The following CPB2 variants were observed in gnomAD, a reference collection of about 807,000 sequenced individuals.
CPB2 encodes carboxypeptidase B-like protein.
Under a neutral mutation model 57.0 loss-of-function variants are expected in CPB2, and 54 were observed. The ratio of observed to expected loss-of-function variants is 0.95; its 90% CI spans 0.76 to 1.19. The LOEUF (loss-of-function observed/expected upper bound fraction) is 1.19. Among genes scored for constraint, CPB2 ranks in the 50% most tolerant of loss-of-function variants. CPB2 has a pLI of 0.00. For missense variants in CPB2, 426 were observed against 512.0 expected (o/e 0.83, Z 1.62); for synonymous variants, 189 against 178.1 (o/e 1.06, Z -0.49).
At chr13:46,086,796 T>A (rs1395918006) in intron 2 of CPB2, among the ~76,000 whole-genome samples, 1 of 152,186 alleles carries the variant, frequency 6.6e-6, no homozygotes, top group Non-Finnish European at 1.5e-5. Flanking sequence ...AGCCACCCCC[T>A]TGGCTTCCCT....
chr13:46,071,310 G>C (rs1297700079), intron 6 of CPB2, among the ~76,000 whole-genome samples: 1 of 152,180 alleles, frequency 6.6e-6, no homozygotes, highest in Non-Finnish European at 1.5e-5. Context: ...CATAGTAGGG[G>C]TGAGAAATGA....
intron 5 of CPB2, among the ~76,000 whole-genome samples, chr13:46,074,265 T>C (rs1286077746): frequency 1.3e-5 from 2 of 152,262 alleles, no homozygotes; most frequent in African/African-American, 4.8e-5. Flanking sequence ...CAGAGCTGCA[T>C]GTGGAAGTTT....
At chr13:46,079,855 G>A (rs572522204) in intron 4 of CPB2, among the ~76,000 whole-genome samples, 14 of 152,290 alleles carry the variant, frequency 9.2e-5, no homozygotes, top group African/African-American at 3.4e-4. Flanking sequence ...TGAGTGGTAG[G>A]TGTGAGTGGT....
chr13:46,075,545 A>G (rs945296997), intron 5 of CPB2, among the ~76,000 whole-genome samples: 1 of 152,232 alleles, frequency 6.6e-6, no homozygotes, highest in Non-Finnish European at 1.5e-5. Flanking sequence ...TCATGGGTGG[A>G]TATGCCATGA....
chr13:46,087,148 T>TAGCTGCAGCGGGC (rs1207800612), intron 2 of CPB2, among the ~76,000 whole-genome samples: 2 of 152,142 alleles, frequency 1.3e-5, no homozygotes, highest in Non-Finnish European at 2.9e-5. Flanking sequence ...TCCAGGTCTG[T>TAGCTGCAGCGGGC]AGCTGCAGCG....
chr13:46,088,904 T>G (rs1333708250), intron 1 of CPB2, among the ~76,000 whole-genome samples: 3 of 151,962 alleles, frequency 2.0e-5, no homozygotes, highest in African/African-American at 7.2e-5. Context: ...TTCTAAATAC[T>G]AATTTCTTGT....
chr13:46,082,366 G>T, intron 4 of CPB2, 75 bp downstream of exon 4: 1 of 813,270 alleles, frequency 1.2e-6, no homozygotes, highest in South Asian at 2.1e-5. Context: ...TATGATTCTT[G>T]AATATTCCCC....
intron 1 of CPB2, among the ~76,000 whole-genome samples, chr13:46,090,724 C>CTTTT (rs10651921): frequency 2.7e-5 from 4 of 148,476 alleles, no homozygotes; most frequent in African/African-American, 5.0e-5. Context: ...AGATGTTGCA[C>CTTTT]TTTTTTTTTT....
chr13:46,055,712 ATTTCT>A (rs1566394483), intron 10 of CPB2, 45 bp downstream of exon 10: 1 of 1,106,656 alleles, frequency 9.0e-7, no homozygotes. Flanking sequence ...GATCACACAG[ATTTCT>A]TTAGTAGCTC....
chr13:46,088,231 T>C (rs976676940), intron 1 of CPB2, among the ~76,000 whole-genome samples: 36 of 152,344 alleles, frequency 2.4e-4, no homozygotes, highest in African/African-American at 8.4e-4. Flanking sequence ...TGAAGATCCT[T>C]GTGTGCTCCT....
chr13:46,072,050 G>T (rs2044950755), intron 6 of CPB2, among the ~76,000 whole-genome samples: 1 of 152,308 alleles, frequency 6.6e-6, no homozygotes, highest in South Asian at 2.1e-4. Context: ...GCTTGGTGAT[G>T]CAGTCATGCA....
chr13:46,059,161 A>G (rs1189793545), intron 8 of CPB2, among the ~76,000 whole-genome samples: 1 of 152,252 alleles, frequency 6.6e-6, no homozygotes, highest in African/African-American at 2.4e-5. Context: ...TTGAACAGAC[A>G]GTAAAAATAG....
Position 46,104,918 on chromosome 13 carries a change from A to G in CPB2, c.74+18T>C, listed in dbSNP as rs2045475429. ...TGAGGAGAGTGGCCCACCACAGTCT[A>G]AGATTCTATTGGGTTACCTCTGAAA... On this transcript the variant is annotated intron_variant, in intron 1 of 10. Transcript: ENST00000181383. The G allele has an allele frequency of 1.2e-6, 2 of 1,613,784 alleles. No individual in the cohort carries two copies. Among genetic ancestry groups the G allele is most frequent in the South Asian group, 1.1e-5 (1 of 91,076 alleles).
rs10571812 is a variant in CPB2 at position 46,059,577 on chromosome 13, T to TATC, written c.797-1199_797-1197dup. 4.8e-3 allele frequency among the ~76,000 whole-genome samples: 725 copies of TATC among 150,136 alleles called. 6 individuals are homozygous for TATC. Among genetic ancestry groups the TATC allele is most frequent in the Middle Eastern group, 0.01 (3 of 292 alleles). On this transcript the variant is annotated intron_variant, in intron 8 of 10. Coordinates refer to ENST00000181383, the MANE Select transcript of CPB2 (RefSeq NM_001872.5). Reference sequence around the variant, plus strand: ...TATGCATTTCATAACTGTTGCTGTTTATCATCATCATCATCATCATCATCA... The same window carrying TATC: ...TATGCATTTCATAACTGTTGCTGTTTATCATCATCATCATCATCATCATCATCA...
rs193210291 is a variant in CPB2, at chr13:46,068,290, T to C, written c.592-873A>G. 2.6e-3 allele frequency among the ~76,000 whole-genome samples: 401 copies of C among 152,328 alleles called. 3 individuals are homozygous for C. Among genetic ancestry groups the C allele is most frequent in the Non-Finnish European group, 6.8e-4 (46 of 68,036 alleles). ...TTGTTAAGAAATGTCTTTTTCATTA[T>C]TGACAAAATAAAAACAAGCCTTTTA... On this transcript the variant is annotated intron_variant, in intron 6 of 10. Transcript: ENST00000181383.
chr13:46,055,436 A>G (rs1233065696), intron 10 of CPB2, among the ~76,000 whole-genome samples: 2 of 152,182 alleles, frequency 1.3e-5, no homozygotes, highest in Non-Finnish European at 2.9e-5. Flanking sequence ...ACAACCTTCC[A>G]TGGTGGCCCT....
intron 4 of CPB2, among the ~76,000 whole-genome samples, chr13:46,080,816 C>A (rs2045101052): frequency 6.6e-6 from 1 of 151,798 alleles, no homozygotes; most frequent in Non-Finnish European, 1.5e-5. Flanking sequence ...ACTAAAAATA[C>A]AAAAAATTAG....
At chr13:46,061,718 G>T (rs1383004126) in intron 8 of CPB2, among the ~76,000 whole-genome samples, 1 of 152,064 alleles carries the variant, frequency 6.6e-6, no homozygotes, top group Non-Finnish European at 1.5e-5. Context: ...TATGGTATTT[G>T]GTTATAGCAG....
chr13:46,071,673 G>T (rs2044944447), intron 6 of CPB2, among the ~76,000 whole-genome samples: 1 of 152,200 alleles, frequency 6.6e-6, no homozygotes, highest in African/African-American at 2.4e-5. Context: ...GTTTGTGTAA[G>T]TTTCTGAGAA....
Sources: allele counts gnomAD v4.1 joint callset (sites outside exome capture counted in the v4.1 genomes callset), GRCh38; gene constraint gnomAD v4.1.1; transcripts MANE v1.5; gene names NCBI Gene and HGNC (gene_info 2026-07-23, HGNC 2026-07-21).